Variants in SYT1 observed in about 807,000 individuals in gnomAD.
SYT1 encodes synaptotagmin-1.
Under a neutral mutation model 44.8 loss-of-function variants are expected in SYT1, and 8 were observed. That is an observed-to-expected ratio of 0.18 (90% CI 0.10 to 0.32). SYT1 has a LOEUF of 0.32. Among genes scored for constraint, SYT1 ranks in the 10% least tolerant of loss-of-function variants. SYT1 has a pLI of 1.00. For missense variants in SYT1, 286 were observed against 509.3 expected, an observed-to-expected ratio of 0.56 and a Z score of 4.22; for synonymous variants, 154 against 188.8, an observed-to-expected ratio of 0.82 and a Z score of 1.51.
rs1489452068 is a variant in SYT1 at position 79,384,928 on chromosome 12, G to A, written c.928+31309G>A. Among the ~76,000 whole-genome samples, 4 of 151,254 alleles carry A rather than the reference G, an allele frequency of 2.6e-5. No individual in the cohort carries two copies. In the South Asian group the frequency reaches 8.4e-4, roughly 32 times the overall value. On this transcript the variant is annotated intron_variant, in intron 9 of 10. Transcript: ENST00000261205. ...ATTGTTAGATTATTTACTATCTTTT[G>A]CTAGTAGTTATTCCCACCAAGCAAT... is the stretch of plus-strand genomic sequence containing the variant.
intron 3 of SYT1, among the ~76,000 whole-genome samples, chr12:79,057,699 C>A (rs940317262): frequency 1.3e-5 from 2 of 151,852 alleles, no homozygotes; most frequent in African/African-American, 2.4e-5. Context: ...GTCTTAGACT[C>A]ACCATGCAGG....
At chr12:79,131,372 T>A (rs1868809410) in intron 3 of SYT1, among the ~76,000 whole-genome samples, 1 of 152,112 alleles carries the variant, frequency 6.6e-6, no homozygotes, top group Non-Finnish European at 1.5e-5. Context: ...CTGTCCCTTA[T>A]TCCTTCAACA....
At chr12:79,133,614 A>G (rs908431440) in intron 3 of SYT1, among the ~76,000 whole-genome samples, 2 of 152,170 alleles carry the variant, frequency 1.3e-5, no homozygotes, top group African/African-American at 4.8e-5. Context: ...GAGATGACAG[A>G]CCTAAACTTG....
intron 1 of SYT1, among the ~76,000 whole-genome samples, chr12:78,971,165 G>A (rs1411765882): frequency 6.6e-6 from 1 of 151,978 alleles, no homozygotes; most frequent in Non-Finnish European, 1.5e-5. Flanking sequence ...CTATGTCACT[G>A]TTCAATAGAT....
At chr12:79,397,319 T>C (rs1884906390) in intron 9 of SYT1, among the ~76,000 whole-genome samples, 1 of 152,196 alleles carries the variant, frequency 6.6e-6, no homozygotes, top group Non-Finnish European at 1.5e-5. Flanking sequence ...AGTCTCGATC[T>C]CCTGGGCTTA....
intron 4 of SYT1, among the ~76,000 whole-genome samples, chr12:79,273,271 T>TGGTC: frequency 6.6e-6 from 1 of 151,806 alleles, no homozygotes; most frequent in Non-Finnish European, 1.5e-5. Context: ...ATGCACAACA[T>TGGTC]CCAGCTATTT....
intron 10 of SYT1, among the ~76,000 whole-genome samples, chr12:79,444,671 G>A (rs1410545928): frequency 1.3e-5 from 2 of 152,034 alleles, no homozygotes; most frequent in African/African-American, 2.4e-5. Context: ...GAAAAATTAG[G>A]CTAAGTTGTG....
chr12:79,021,397 T>C (rs1457144531), intron 2 of SYT1, among the ~76,000 whole-genome samples: 2 of 151,914 alleles, frequency 1.3e-5, no homozygotes, highest in African/African-American at 4.8e-5. Flanking sequence ...CTGATCATTA[T>C]CAAGCTGCCT....
chr12:79,013,290 T>C (rs1755765875), intron 2 of SYT1, among the ~76,000 whole-genome samples: 1 of 152,142 alleles, frequency 6.6e-6, no homozygotes, highest in Non-Finnish European at 1.5e-5. Context: ...TTCATAAGTA[T>C]TTGTTGAAGA....
intron 6 of SYT1, among the ~76,000 whole-genome samples, chr12:79,292,358 T>G (rs1052087807): frequency 6.6e-6 from 1 of 152,176 alleles, no homozygotes; most frequent in Non-Finnish European, 1.5e-5. Context: ...CTTGTGGCAC[T>G]TTCAGCAGGC....
At chr12:79,008,424 C>T (rs186288463) in intron 2 of SYT1, among the ~76,000 whole-genome samples, 1 of 152,144 alleles carries the variant, frequency 6.6e-6, no homozygotes, top group African/African-American at 2.4e-5. Context: ...CAATAATAAG[C>T]CACTGAGATG....
At chr12:79,075,741 C>G (rs1876598504) in intron 3 of SYT1, among the ~76,000 whole-genome samples, 1 of 152,062 alleles carries the variant, frequency 6.6e-6, no homozygotes, top group Admixed American at 6.6e-5. Context: ...AAATCTCAAG[C>G]CTATAGAATC....
intron 4 of SYT1, among the ~76,000 whole-genome samples, chr12:79,248,604 A>T (rs2138682055): frequency 6.6e-6 from 1 of 152,310 alleles, no homozygotes; most frequent in South Asian, 2.1e-4. Flanking sequence ...GATAGGATGT[A>T]AATGAGTACC....
intron 3 of SYT1, among the ~76,000 whole-genome samples, chr12:79,120,545 T>G (rs1255336007): frequency 2.0e-5 from 3 of 152,210 alleles, no homozygotes; most frequent in Admixed American, 2.0e-4. Context: ...AGTATATAAG[T>G]TATCAAAACT....
chr12:79,222,429 T>A (rs1233887036), intron 4 of SYT1, among the ~76,000 whole-genome samples: 1 of 151,532 alleles, frequency 6.6e-6, no homozygotes, highest in Non-Finnish European at 1.5e-5. Context: ...TTACCTAGAC[T>A]GAGGTGCAGT....
chr12:79,029,222 T>C (rs1872699389), intron 2 of SYT1, among the ~76,000 whole-genome samples: 1 of 151,164 alleles, frequency 6.6e-6, no homozygotes, highest in Non-Finnish European at 1.5e-5. Flanking sequence ...TAGCCTTTGT[T>C]AATGCATTTG....
chr12:79,356,281 G>A (rs1266501549), intron 9 of SYT1, among the ~76,000 whole-genome samples: 1 of 151,684 alleles, frequency 6.6e-6, no homozygotes, highest in Non-Finnish European at 1.5e-5. Flanking sequence ...ATCCATCCCA[G>A]TAGAACAAAT....
chr12:79,194,109 C>G (rs1873296291), intron 3 of SYT1, among the ~76,000 whole-genome samples: 1 of 151,968 alleles, frequency 6.6e-6, no homozygotes, highest in Non-Finnish European at 1.5e-5. Context: ...AAAAAATTAT[C>G]TATAGTCTAA....
intron 9 of SYT1, chr12:79,393,190 TATCC>T (rs1285929315): frequency 1.3e-5 from 2 of 152,194 alleles, no homozygotes; most frequent in Admixed American, 6.5e-5. Flanking sequence ...ACATTTTCTT[TATCC>T]AGTCTATTAT....
Sources: allele counts gnomAD v4.1 joint callset (sites outside exome capture counted in the v4.1 genomes callset), GRCh38; gene constraint gnomAD v4.1.1; transcripts MANE v1.5; gene names NCBI Gene and HGNC (gene_info 2026-07-23, HGNC 2026-07-21).